SLC6A11: variants seen among roughly 807,000 people sequenced by gnomAD.
SLC6A11 encodes the protein solute carrier family 6 member 11.
In SLC6A11, 25 loss-of-function variants were observed where a neutral mutation model predicts 74.8. The observed-to-expected ratio is 0.33, with a 90% CI of 0.24 to 0.47. The LOEUF (loss-of-function observed/expected upper bound fraction) is 0.47. Among genes scored for constraint, SLC6A11 ranks in the 20% least tolerant of loss-of-function variants. SLC6A11 has a pLI of 1.00. For synonymous variants in SLC6A11, 330 were observed against 330.2 expected (o/e 1.00, Z 0.01); for missense variants, 574 against 837.0 (o/e 0.69, Z 3.88).
chr3:10,886,661 G>T (rs1187180583), intron 6 of SLC6A11, among the ~76,000 whole-genome samples: 1 of 152,116 alleles, frequency 6.6e-6, no homozygotes, highest in Non-Finnish European at 1.5e-5. Context: ...ACAAAAATTA[G>T]CCAGGCATGA....
intron 5 of SLC6A11, among the ~76,000 whole-genome samples, chr3:10,847,794 A>T (rs966536754): frequency 1.3e-5 from 2 of 152,172 alleles, no homozygotes; most frequent in African/African-American, 4.8e-5. Flanking sequence ...TTCACTTTGG[A>T]GACGAGCCCA....
At chr3:10,883,932 T>C (rs1695012505) in intron 6 of SLC6A11, among the ~76,000 whole-genome samples, 1 of 152,204 alleles carries the variant, frequency 6.6e-6, no homozygotes, top group Non-Finnish European at 1.5e-5. Context: ...AGTTTCATTG[T>C]TCCTAATACC....
chr3:10,867,837 T>C (rs1251980156), intron 5 of SLC6A11, among the ~76,000 whole-genome samples: 2 of 152,232 alleles, frequency 1.3e-5, no homozygotes, highest in African/African-American at 4.8e-5. Context: ...CTCCTGCTTT[T>C]GAACAAAGAC....
intron 6 of SLC6A11, among the ~76,000 whole-genome samples, chr3:10,875,976 T>C (rs1575685651): frequency 6.6e-6 from 1 of 152,258 alleles, no homozygotes; most frequent in African/African-American, 2.4e-5. Flanking sequence ...TGAAATAACT[T>C]AATCAAAGAC....
chr3:10,852,326 C>T (rs3774118), intron 5 of SLC6A11, among the ~76,000 whole-genome samples: 27,628 of 152,252 alleles, frequency 0.18, 3,084 homozygotes, highest in South Asian at 0.33. Context: ...GCCGCCATGC[C>T]GTTGGGAGCA....
chr3:10,916,114 A>G (rs1351307270), intron 7 of SLC6A11, among the ~76,000 whole-genome samples: 2 of 152,220 alleles, frequency 1.3e-5, no homozygotes, highest in Non-Finnish European at 2.9e-5. Context: ...CCACTATTTG[A>G]TAAGTCAGGG....
intron 4 of SLC6A11, among the ~76,000 whole-genome samples, chr3:10,827,759 T>G (rs1051195346): frequency 2.0e-5 from 3 of 152,176 alleles, no homozygotes; most frequent in Non-Finnish European, 4.4e-5. Context: ...GCCCACAGAT[T>G]ACCTTAAAAT....
At chr3:10,920,789 T>A (rs991166831) in intron 8 of SLC6A11, among the ~76,000 whole-genome samples, 14 of 152,226 alleles carry the variant, frequency 9.2e-5, no homozygotes, top group Non-Finnish European at 2.1e-4. Flanking sequence ...CCATAAGCAG[T>A]GCAGCCTGGA....
At chr3:10,872,068 T>C (rs1162228107) in intron 5 of SLC6A11, among the ~76,000 whole-genome samples, 2 of 152,166 alleles carry the variant, frequency 1.3e-5, no homozygotes, top group Non-Finnish European at 2.9e-5. Flanking sequence ...GAAAATCTCA[T>C]CTCTAAAATG....
intron 5 of SLC6A11, among the ~76,000 whole-genome samples, chr3:10,853,242 T>G (rs1218559906): frequency 2.0e-5 from 3 of 152,104 alleles, no homozygotes; most frequent in African/African-American, 7.2e-5. Context: ...TGAGCTGCCT[T>G]GGACAGATGT....
At chr3:10,928,917 T>G (rs1337312016) in intron 9 of SLC6A11, among the ~76,000 whole-genome samples, 1 of 152,184 alleles carries the variant, frequency 6.6e-6, no homozygotes, top group African/African-American at 2.4e-5. Context: ...GTACTAGATT[T>G]GGAGTCTGGA....
intron 4 of SLC6A11, among the ~76,000 whole-genome samples, chr3:10,833,133 C>G (rs1177627241): frequency 6.6e-6 from 1 of 152,216 alleles, no homozygotes; most frequent in East Asian, 1.9e-4. Flanking sequence ...ACAATCTCAG[C>G]TCACTGCAGC....
chr3:10,840,045 C>T (rs1300538662), intron 4 of SLC6A11, among the ~76,000 whole-genome samples: 1 of 152,144 alleles, frequency 6.6e-6, no homozygotes, highest in Non-Finnish European at 1.5e-5. Context: ...TCATTCCTCC[C>T]ATGGCAGCTA....
At chr3:10,859,327 T>G (rs554776250) in intron 5 of SLC6A11, among the ~76,000 whole-genome samples, 1 of 152,282 alleles carries the variant, frequency 6.6e-6, no homozygotes, top group South Asian at 2.1e-4. Context: ...CTGGCTTGAG[T>G]GCCCAGTGCT....
At chr3:10,847,854 C>T (rs1385989341) in intron 5 of SLC6A11, among the ~76,000 whole-genome samples, 2 of 152,140 alleles carry the variant, frequency 1.3e-5, no homozygotes, top group East Asian at 3.8e-4. Context: ...AAAAATAAAA[C>T]ATCAGGTCAT....
chr3:10,919,247 A>G (rs1225030562), intron 8 of SLC6A11, among the ~76,000 whole-genome samples: 2 of 152,224 alleles, frequency 1.3e-5, no homozygotes, highest in African/African-American at 2.4e-5. Context: ...CGTGATTTCC[A>G]TGGTATTTGA....
chr3:10,886,748 A>G (rs1695046855), intron 6 of SLC6A11, among the ~76,000 whole-genome samples: 1 of 151,304 alleles, frequency 6.6e-6, no homozygotes, highest in African/African-American at 2.4e-5. Flanking sequence ...TGGAGGTTGC[A>G]GTGAGCCAAG....
At chr3:10,898,412 C>A (rs552291818) in intron 6 of SLC6A11, among the ~76,000 whole-genome samples, 1 of 152,320 alleles carries the variant, frequency 6.6e-6, no homozygotes, top group South Asian at 2.1e-4. Context: ...AAACTGAATG[C>A]CTTTAACAGC....
chr3:10,850,960 G>A (rs1694567445), intron 5 of SLC6A11, among the ~76,000 whole-genome samples: 1 of 152,174 alleles, frequency 6.6e-6, no homozygotes, highest in Non-Finnish European at 1.5e-5. Context: ...TTGTTCTGCA[G>A]GGCCTGGTTC....
Sources: allele counts gnomAD v4.1 joint callset (sites outside exome capture counted in the v4.1 genomes callset), GRCh38; gene constraint gnomAD v4.1.1; transcripts MANE v1.5; gene names NCBI Gene and HGNC (gene_info 2026-07-23, HGNC 2026-07-21).